The following PRKG1 variants were observed in gnomAD, a reference collection of about 807,000 sequenced individuals.
PRKG1 encodes protein kinase cGMP-dependent 1.
In PRKG1, 35 loss-of-function variants were observed where a neutral mutation model predicts 88.1. The observed-to-expected ratio is 0.40, with a 90% CI of 0.30 to 0.53. The LOEUF (loss-of-function observed/expected upper bound fraction) is 0.53. Among genes scored for constraint, PRKG1 ranks in the 20% least tolerant of loss-of-function variants. The pLI, the probability that PRKG1 is intolerant of heterozygous loss-of-function variation, is 0.59. For missense variants in PRKG1, 540 were observed against 839.8 expected (o/e 0.64, Z 4.41); for synonymous variants, 303 against 292.5 (o/e 1.04, Z -0.37).
intron 7 of PRKG1, among the ~76,000 whole-genome samples, chr10:52,075,408 T>C (rs1846604106): frequency 6.6e-6 from 1 of 152,210 alleles, no homozygotes; most frequent in Non-Finnish European, 1.5e-5. Context: ...AAAATTTATG[T>C]GGACCTAGAA....
At chr10:52,158,794 G>C (rs1838195815) in intron 8 of PRKG1, among the ~76,000 whole-genome samples, 1 of 151,316 alleles carries the variant, frequency 6.6e-6, no homozygotes, top group Admixed American at 6.6e-5. Context: ...AATTCCAAAT[G>C]CCAAGATTAT....
chr10:51,577,732 T>C (rs1469363011), intron 3 of PRKG1, among the ~76,000 whole-genome samples: 1 of 151,856 alleles, frequency 6.6e-6, no homozygotes, highest in Non-Finnish European at 1.5e-5. Context: ...TGTCTTGGAG[T>C]TTTGTTTTGG....
In PRKG1 at chr10:51,117,803, G is replaced by A. The variant is rs138300449; in HGVS notation, c.312-35361G>A. On this transcript the variant is annotated intron_variant, in intron 1 of 17. Coordinates refer to ENST00000373980, the MANE Select transcript of PRKG1 (RefSeq NM_006258.4). Reference sequence around the variant, plus strand: ...AATACATTATGTAACAGCTCTCAACGGAGTAAAGATGGGATGTGGCTGAGC... The same window carrying A: ...AATACATTATGTAACAGCTCTCAACAGAGTAAAGATGGGATGTGGCTGAGC... Among the ~76,000 whole-genome samples, 9 of 152,284 alleles carry A rather than the reference G, an allele frequency of 5.9e-5. No individual in the cohort carries two copies. In the East Asian group the frequency reaches 1.2e-3, roughly 20 times the overall value.
chr10:51,349,454 T>TTGTGTGTGTGTG (rs34302728), intron 2 of PRKG1, among the ~76,000 whole-genome samples: 25 of 97,428 alleles, frequency 2.6e-4, no homozygotes, highest in African/African-American at 8.7e-4. Flanking sequence ...TTCATATTGT[T>TTGTGTGTGTGTG]TGTGTGTGTG....
chr10:51,411,525 A>C (rs1183654171), intron 2 of PRKG1, among the ~76,000 whole-genome samples: 2 of 152,198 alleles, frequency 1.3e-5, no homozygotes, highest in Non-Finnish European at 2.9e-5. Context: ...ATAACGGATA[A>C]TGGCAGGGGG....
At chr10:52,192,680 T>C (rs1394018677) in intron 9 of PRKG1, among the ~76,000 whole-genome samples, 1 of 152,080 alleles carries the variant, frequency 6.6e-6, no homozygotes, top group African/African-American at 2.4e-5. Context: ...TTTCCAGATA[T>C]CAATAAATAT....
intron 2 of PRKG1, among the ~76,000 whole-genome samples, chr10:51,417,780 C>T (rs1036635188): frequency 5.3e-5 from 8 of 152,170 alleles, no homozygotes; most frequent in Non-Finnish European, 1.2e-4. Context: ...TCAGTATCCT[C>T]ATCGTGATCA....
chr10:51,734,081 T>A (rs1010053315), intron 3 of PRKG1, among the ~76,000 whole-genome samples: 18 of 151,846 alleles, frequency 1.2e-4, no homozygotes, highest in Non-Finnish European at 1.8e-4. Flanking sequence ...TAAAAAAAAA[T>A]TATTATTTTT....
chr10:51,456,285 G>C (rs986163761), intron 2 of PRKG1, among the ~76,000 whole-genome samples: 1 of 152,110 alleles, frequency 6.6e-6, no homozygotes, highest in Non-Finnish European at 1.5e-5. Flanking sequence ...AAACACGTGG[G>C]AATTGTGGGA....
chr10:52,018,998 T>A (rs1845114209), intron 5 of PRKG1, among the ~76,000 whole-genome samples: 1 of 152,164 alleles, frequency 6.6e-6, no homozygotes, highest in African/African-American at 2.4e-5. Context: ...TTCTTATGAT[T>A]CTGGACAGCT....
At chr10:51,858,319 ATG>A (rs367562850) in intron 4 of PRKG1, among the ~76,000 whole-genome samples, 2 of 20,780 alleles carry the variant, frequency 9.6e-5, no homozygotes, top group African/African-American at 4.2e-4. Flanking sequence ...TATGTATAAT[ATG>A]TATTATATAT....
chr10:52,086,145 C>T (rs567065702), intron 7 of PRKG1, among the ~76,000 whole-genome samples: 7 of 151,854 alleles, frequency 4.6e-5, no homozygotes, highest in Non-Finnish European at 1.0e-4. Context: ...CTTTTAATGT[C>T]AAAATTATTC....
At chr10:51,690,926 C>CAAA (rs942329676) in intron 3 of PRKG1, among the ~76,000 whole-genome samples, 40 of 37,692 alleles carry the variant, frequency 1.1e-3, no homozygotes, top group South Asian at 1.4e-3. Context: ...GACTCTGTCT[C>CAAA]AAAAAAAAAA....
chr10:51,531,880 T>G (rs556575883), intron 3 of PRKG1, among the ~76,000 whole-genome samples: 1 of 152,120 alleles, frequency 6.6e-6, no homozygotes, highest in African/African-American at 2.4e-5. Context: ...CCTGACCTCG[T>G]GATTTGCCCG....
At chr10:51,459,833 G>C (rs1588979352) in intron 2 of PRKG1, among the ~76,000 whole-genome samples, 1 of 152,264 alleles carries the variant, frequency 6.6e-6, no homozygotes, top group African/African-American at 2.4e-5. Context: ...AAATTATTCA[G>C]TAAAGTAGCT....
At chr10:51,988,717 T>C (rs572635394) in intron 5 of PRKG1, among the ~76,000 whole-genome samples, 2 of 152,178 alleles carry the variant, frequency 1.3e-5, no homozygotes, top group African/African-American at 4.8e-5. Context: ...AGGTATCTTG[T>C]TCTTGTTGAT....
At chr10:51,941,219 A>G (rs930922450) in intron 5 of PRKG1, among the ~76,000 whole-genome samples, 2 of 152,036 alleles carry the variant, frequency 1.3e-5, no homozygotes, top group Middle Eastern at 3.4e-3. Context: ...TCTTTTAAAC[A>G]AATTTAAAAT....
intron 3 of PRKG1, among the ~76,000 whole-genome samples, chr10:51,771,742 G>T (rs1000894565): frequency 6.6e-5 from 10 of 152,128 alleles, no homozygotes; most frequent in African/African-American, 2.4e-4. Context: ...ATAAATTGCT[G>T]AAACGTAGGT....
Position 52,293,890 on chromosome 10 carries a change from T to C in PRKG1, c.2051T>C (p.Ile684Thr), listed in dbSNP as rs780074700. The part of the protein sequence containing the change: ...PPPDDNSGWD[I>T]DF ...CCTGATGACAACTCAGGATGGGATATAGACTTCTAATGTATTTCTCTTACC... is the reference window on the plus strand; with the variant it reads ...CCTGATGACAACTCAGGATGGGATACAGACTTCTAATGTATTTCTCTTACC... Residue 684 changes from isoleucine to threonine, a missense_variant, in exon 18 of 18, where the codon ATA (isoleucine) becomes ACA (threonine). Physicochemically the swap from Ile to Thr is moderately conservative, Grantham distance 89. Transcript: ENST00000373980. The C allele has an allele frequency of 1.2e-6, 2 of 1,609,594 alleles. No homozygotes were observed. Among genetic ancestry groups the C allele is most frequent in the South Asian group, 1.1e-5 (1 of 90,878 alleles).
Sources: allele counts gnomAD v4.1 joint callset (sites outside exome capture counted in the v4.1 genomes callset), GRCh38; gene constraint gnomAD v4.1.1; transcripts MANE v1.5; gene names NCBI Gene and HGNC (gene_info 2026-07-23, HGNC 2026-07-21).